ANKRD28: variants seen among roughly 807,000 people sequenced by gnomAD.
ANKRD28 encodes the protein serine/threonine-protein phosphatase 6 regulatory ankyrin repeat subunit A.
A neutral mutation model predicts 126.5 loss-of-function variants in ANKRD28; 44 were observed. The ratio of observed to expected loss-of-function variants is 0.35; its 90% CI spans 0.27 to 0.45. The LOEUF is 0.45. Among genes scored for constraint, ANKRD28 ranks in the 20% least tolerant of loss-of-function variants. The pLI is 1.00. For missense variants in ANKRD28, 1,110 were observed against 1,316.6 expected (o/e 0.84, Z 2.43); for synonymous variants, 442 against 468.5 (o/e 0.94, Z 0.73).
At chr3:15,859,356 G>A (rs1181488399) in intron 1 of ANKRD28, 2 of 1,525,922 alleles carry the variant, frequency 1.3e-6, no homozygotes, top group Admixed American at 4.0e-5. Context: ...GCGCGATCCC[G>A]CCCTGCAGCC....
chr3:15,841,660 T>C (rs1176169779), intron 1 of ANKRD28, among the ~76,000 whole-genome samples: 1 of 151,904 alleles, frequency 6.6e-6, no homozygotes, highest in Non-Finnish European at 1.5e-5. Flanking sequence ...AACATGTAAA[T>C]GGCAAACAGG....
At chr3:15,744,171 C>T (rs985239682) in intron 4 of ANKRD28, among the ~76,000 whole-genome samples, 1 of 152,198 alleles carries the variant, frequency 6.6e-6, no homozygotes, top group African/African-American at 2.4e-5. Flanking sequence ...AGTTTTACTA[C>T]TTAGGAGACC....
chr3:15,678,093 G>T, intron 24 of ANKRD28, 116 bp downstream of exon 24: 2 of 1,061,866 alleles, frequency 1.9e-6, no homozygotes, highest in South Asian at 3.6e-5. Flanking sequence ...CAGGTAAAAG[G>T]TTTTAAGTCT....
intron 3 of ANKRD28, among the ~76,000 whole-genome samples, chr3:15,753,383 G>A (rs2057975784): frequency 6.6e-6 from 1 of 152,234 alleles, no homozygotes; most frequent in Non-Finnish European, 1.5e-5. Context: ...GATAGTGAAG[G>A]AGTGACACAG....
chr3:15,859,354 C>T (rs1482379957), intron 1 of ANKRD28: 3 of 1,526,026 alleles, frequency 2.0e-6, no homozygotes, highest in South Asian at 2.4e-5. Context: ...CGGCGCGATC[C>T]CGCCCTGCAG....
At chr3:15,680,373 T>G (rs2067415211) in intron 21 of ANKRD28, among the ~76,000 whole-genome samples, 1 of 151,686 alleles carries the variant, frequency 6.6e-6, no homozygotes, top group Non-Finnish European at 1.5e-5. Context: ...CCAGCTAGCT[T>G]TTTTCGTATT....
intron 14 of ANKRD28, among the ~76,000 whole-genome samples, chr3:15,706,037 CA>C (rs1412019738): frequency 1.0e-5 from 1 of 97,732 alleles, no homozygotes; most frequent in East Asian, 2.3e-4. Context: ...AAAAAACCCA[CA>C]AAAACAAACA....
intron 2 of ANKRD28, among the ~76,000 whole-genome samples, chr3:15,767,700 TAAAAAAAAAAAAAAAAAAAAAAAA>T (rs57072807): frequency 3.6e-4 from 23 of 64,364 alleles, no homozygotes; most frequent in African/African-American, 1.6e-3. Flanking sequence ...TAGTCTCTAC[TAAAAAAAAAAAAAAAAAAAAAAAA>T]AAAAAAAAAA....
At chr3:15,820,666 T>A (rs2060924350) in intron 1 of ANKRD28, among the ~76,000 whole-genome samples, 1 of 152,106 alleles carries the variant, frequency 6.6e-6, no homozygotes. Flanking sequence ...TCCAAAGACA[T>A]TGAGGAATGG....
At chr3:15,718,913 C>CT (rs2073386530) in intron 8 of ANKRD28, among the ~76,000 whole-genome samples, 1 of 152,116 alleles carries the variant, frequency 6.6e-6, no homozygotes, top group African/African-American at 2.4e-5. Context: ...GAGGAAAAAA[C>CT]TAACTTTTCT....
At position 15,764,016 on chromosome 3, in the gene ANKRD28, G is replaced by A. The variant is rs909206546; in HGVS notation, c.280+2218C>T. Among the ~76,000 whole-genome samples the A allele has an allele frequency of 3.2e-4, 49 of 152,030 alleles. 1 individual carries two copies. Among genetic ancestry groups the A allele is most frequent in the African/African-American group, 1.1e-3 (46 of 41,396 alleles). ...AGGCAGGCAAATCACCTGAGACCAG[G>A]AGTTCAAGACCAGCCTGGCCAACAT... On this transcript the variant is annotated intron_variant, in intron 3 of 27. Transcript: ENST00000683139.
intron 3 of ANKRD28, 66 bp downstream of exon 3, chr3:15,766,168 A>G: frequency 7.9e-7 from 1 of 1,272,274 alleles, no homozygotes; most frequent in Non-Finnish European, 1.1e-6. Flanking sequence ...GTCAATTATG[A>G]TTGAGAAACA....
intron 10 of ANKRD28, 59 bp downstream of exon 10, chr3:15,713,468 C>A: frequency 7.8e-7 from 1 of 1,285,496 alleles, no homozygotes; most frequent in African/African-American, 1.5e-5. Flanking sequence ...TAGAAAACTG[C>A]AGTTCACTTC....
chr3:15,695,127 A>G (rs549059753), intron 16 of ANKRD28, 61 bp downstream of exon 16: 12 of 1,328,096 alleles, frequency 9.0e-6, no homozygotes, highest in Admixed American at 1.8e-5. Flanking sequence ...ACAGATAAAC[A>G]TAACTGGTAG....
rs982268666 is a variant in ANKRD28 at position 15,797,726 on chromosome 3, AAT to A, written c.-1207_-1206del. ...TTATTCAGTCATCTGCCTCTTTGCC[AAT>A]ATAGTTTCCTTCCACTGTGAAAACC... On this transcript the variant is annotated 5_prime_UTR_variant, in exon 1 of 28. Transcript: ENST00000683139. The A allele has an allele frequency of 3.0e-6, 3 of 985,288 alleles. No homozygotes were observed. Among genetic ancestry groups the A allele is most frequent in the African/African-American group, 1.7e-5 (1 of 57,220 alleles). The allele number at this position is 985,288 out of a possible 1,614,324, so 61.0% of individuals were successfully genotyped here.
intron 8 of ANKRD28, among the ~76,000 whole-genome samples, chr3:15,715,291 G>A (rs141106537): frequency 5.7e-4 from 86 of 152,150 alleles, no homozygotes; most frequent in African/African-American, 1.9e-3. Flanking sequence ...TGTTACCAAC[G>A]CAAAGGAAAT....
intron 8 of ANKRD28, among the ~76,000 whole-genome samples, chr3:15,716,586 C>T (rs2073085442): frequency 6.6e-6 from 1 of 151,896 alleles, no homozygotes; most frequent in Non-Finnish European, 1.5e-5. Flanking sequence ...GCCTGGCCAG[C>T]TATAGCCAAT....
intron 2 of ANKRD28, among the ~76,000 whole-genome samples, chr3:15,767,130 A>C (rs1232022695): frequency 1.3e-5 from 2 of 152,136 alleles, no homozygotes; most frequent in African/African-American, 4.8e-5. Context: ...TACTCATCCA[A>C]ATCTTCCTCC....
intron 4 of ANKRD28, among the ~76,000 whole-genome samples, chr3:15,739,600 T>A (rs555815371): frequency 6.6e-6 from 1 of 152,302 alleles, no homozygotes; most frequent in East Asian, 1.9e-4. Context: ...GGAAATAACA[T>A]CTGCCTACCA....
Sources: allele counts gnomAD v4.1 joint callset (sites outside exome capture counted in the v4.1 genomes callset), GRCh38; gene constraint gnomAD v4.1.1; transcripts MANE v1.5; gene names NCBI Gene and HGNC (gene_info 2026-07-23, HGNC 2026-07-21).